Variants in ZNF737 observed in about 807,000 individuals in gnomAD.
ZNF737 encodes zinc finger protein 102 (Y3).
ZNF737 carries 13 observed loss-of-function variants against 11.7 expected under a neutral mutation model. The ratio of observed to expected loss-of-function variants is 1.11; its 90% CI spans 0.73 to 1.77. The LOEUF (loss-of-function observed/expected upper bound fraction) is 1.77. ZNF737 is among the 40% of genes most tolerant of loss of function. The pLI, the probability that ZNF737 is intolerant of heterozygous loss-of-function variation, is 0.00. For synonymous variants in ZNF737, 217 were observed against 216.2 expected (o/e 1.00, Z -0.03); for missense variants, 636 against 638.0 (o/e 1.00, Z 0.03).
Position 20,544,581 on chromosome 19 carries a change from A to T in ZNF737, c.*11T>A. ...GTGGGATAGCTTAAAGCTTTGCCAC[A>T]TTCCTCACATTTATAGTTTCTCTCC... On this transcript the variant is annotated 3_prime_UTR_variant, in exon 4 of 4. Coordinates refer to ENST00000427401, the MANE Select transcript of ZNF737 (RefSeq NM_001159293.2). 6.3e-7 allele frequency: 1 copy of T among 1,586,278 alleles called. No individual in the cohort carries two copies. Among genetic ancestry groups the T allele is most frequent in the Non-Finnish European group, 8.6e-7 (1 of 1,168,528 alleles).
chr19:20,551,429 C>CA (rs59406979), intron 3 of ZNF737, among the ~76,000 whole-genome samples: 5,857 of 102,108 alleles, frequency 0.057, 182 homozygotes, highest in African/African-American at 0.095. Context: ...AACCCCATCT[C>CA]AAAAAAAAAA....
the ZNF737 span, among the ~76,000 whole-genome samples, chr19:20,530,454 G>A: frequency 1.3e-5 from 2 of 148,764 alleles, no homozygotes; most frequent in East Asian, 2.1e-4. Flanking sequence ...GGGCGGAGAC[G>A]CTCCTCACTT....
intron 1 of ZNF737, among the ~76,000 whole-genome samples, chr19:20,560,506 C>T (rs1320759987): frequency 1.3e-5 from 2 of 151,912 alleles, no homozygotes; most frequent in Non-Finnish European, 2.9e-5. Context: ...AGAGGCCTGG[C>T]GCAGTGGCTC....
chr19:20,559,433 A>T (rs1420837027), intron 1 of ZNF737, among the ~76,000 whole-genome samples: 1 of 152,188 alleles, frequency 6.6e-6, no homozygotes, highest in East Asian at 1.9e-4. Context: ...AAAAATGCTC[A>T]TCGCTAATCA....
chr19:20,544,511 T>C lies in ZNF737; in HGVS notation c.*81A>G. The C allele has an allele frequency of 1.9e-6, 3 of 1,543,048 alleles. No homozygotes were observed. The highest frequency in any genetic ancestry group is 2.1e-5 in the Admixed American group (1 of 47,726). ...GGCTTTGCCACATTTATCACACTTG[T>C]ACAGTTTCCCTCCAATATGAATTTT... is the stretch of plus-strand genomic sequence containing the variant. On this transcript the variant is annotated 3_prime_UTR_variant, in exon 4 of 4. Transcript: ENST00000427401.
At position 20,539,445 on chromosome 19, in the gene ZNF737, G is replaced by C. The variant is rs1160465986; in HGVS notation, c.*5147C>G. Reference sequence around the variant, plus strand: ...TAAATCTTGCCTTTGTTTCTTGTTAGTCATCTGGCCATTTCTGTAAGTACG... The same window carrying C: ...TAAATCTTGCCTTTGTTTCTTGTTACTCATCTGGCCATTTCTGTAAGTACG... On this transcript the variant is annotated 3_prime_UTR_variant, in exon 4 of 4. Coordinates refer to ENST00000427401, the MANE Select transcript of ZNF737 (RefSeq NM_001159293.2). 1.0e-6 allele frequency: 1 copy of C among 985,266 alleles called. No homozygotes were observed. The allele number at this position is 985,266 out of a possible 1,614,324, so 61.0% of individuals were successfully genotyped here.
At chr19:20,535,622 T>A (rs1967940992), downstream of ZNF737, among the ~76,000 whole-genome samples, 1 of 150,898 alleles carries the variant, frequency 6.6e-6, no homozygotes, top group African/African-American at 2.4e-5. Context: ...AGCTCCCAGG[T>A]TCAAGAGATT....
At chr19:20,549,929 C>CAA (rs58715059) in intron 3 of ZNF737, among the ~76,000 whole-genome samples, 35 of 113,490 alleles carry the variant, frequency 3.1e-4, no homozygotes, top group African/African-American at 5.1e-4. Context: ...GACTCCATCT[C>CAA]AAAAAAAAAA....
chr19:20,542,016 GA>G lies in ZNF737; in HGVS notation c.*2575del. Reference sequence around the variant, plus strand: ...TAAAGAGTCAAAATTTAATCTATGGGAACAATATTTAACTCATTTGCAGTTT... The same window carrying G: ...TAAAGAGTCAAAATTTAATCTATGGGACAATATTTAACTCATTTGCAGTTT... On this transcript the variant is annotated 3_prime_UTR_variant, in exon 4 of 4. Transcript: ENST00000427401. 1.0e-6 allele frequency: 1 copy of G among 983,866 alleles called. No homozygotes were observed. The highest frequency in any genetic ancestry group is 1.2e-6 in the Non-Finnish European group (1 of 828,730). The allele number at this position is 983,866 out of a possible 1,614,324, so 60.9% of individuals were successfully genotyped here. A position where few individuals can be genotyped will look rare whatever the true frequency, so the allele number is the denominator to read the frequency against.
At position 20,545,710 on chromosome 19, in the gene ZNF737, T is replaced by C. The variant is rs1555756842; in HGVS notation, c.493A>G (p.Ile165Val). 1 of 1,613,092 alleles carries C rather than the reference T, an allele frequency of 6.2e-7. No individual in the cohort carries two copies. Among genetic ancestry groups the C allele is most frequent in the Non-Finnish European group, 8.5e-7 (1 of 1,179,506 alleles). Residue 165 changes from isoleucine to valine, a missense_variant, in exon 4 of 4, where the codon ATA becomes GTA. Ile to Val is a conservative substitution (Grantham distance 29). Coordinates refer to ENST00000427401, the MANE Select transcript of ZNF737 (RefSeq NM_001159293.2). ...HKFSNSNRHK[I>V]RHTGKKPFKC... ...AAAGGTTTTTTTCCAGTATGTCTTATCTTATGTCTGTTTGAATTTGAAAAT... is the reference window on the plus strand; with the variant it reads ...AAAGGTTTTTTTCCAGTATGTCTTACCTTATGTCTGTTTGAATTTGAAAAT...
chr19:20,545,716 G>C lies in ZNF737; in HGVS notation c.487C>G (p.His163Asp), dbSNP rs781903156. The change falls in exon 4 of 4, where the codon CAT (histidine) becomes GAT (aspartate). Residue 163 changes from histidine to aspartate, a missense_variant. His to Asp is a moderately conservative substitution (Grantham distance 81). Coordinates refer to ENST00000427401, the MANE Select transcript of ZNF737 (RefSeq NM_001159293.2). ...VIHKFSNSNR[H>D]KIRHTGKKPF... ...TTTTTTCCAGTATGTCTTATCTTATGTCTGTTTGAATTTGAAAATTTATGA... is the reference window on the plus strand; with the variant it reads ...TTTTTTCCAGTATGTCTTATCTTATCTCTGTTTGAATTTGAAAATTTATGA... 1 of 1,612,836 alleles carries C rather than the reference G, an allele frequency of 6.2e-7. No homozygotes were observed. Among genetic ancestry groups the C allele is most frequent in the African/African-American group, 1.3e-5 (1 of 74,908 alleles).
chr19:20,532,479 G>A (rs1347205397), downstream of ZNF737, among the ~76,000 whole-genome samples: 2 of 149,750 alleles, frequency 1.3e-5, no homozygotes, highest in Admixed American at 1.3e-4. Flanking sequence ...GTATCTATAT[G>A]TACAGAAAGA....
chr19:20,536,964 G>C (rs113185162), downstream of ZNF737, among the ~76,000 whole-genome samples: 10,074 of 151,638 alleles, frequency 0.066, 396 homozygotes, highest in Middle Eastern at 0.17. Flanking sequence ...TCAGCTGGGC[G>C]TGGTGGCGGG....
chr19:20,544,419 C>A lies in ZNF737; in HGVS notation c.*173G>T. On this transcript the variant is annotated 3_prime_UTR_variant, in exon 4 of 4. Transcript: ENST00000427401. ...GTCCTTAAAGGCTTTGCTGCATTTT[C>A]TTATTTGTTGGGTTTCTTTCCCGCA... The A allele has an allele frequency of 6.9e-7, 1 of 1,439,922 alleles. No homozygotes were observed. The highest frequency in any genetic ancestry group is 1.5e-5 in the South Asian group (1 of 64,564). The allele number at this position is 1,439,922 out of a possible 1,614,324, so 89.2% of individuals were successfully genotyped here.
Position 20,538,921 on chromosome 19 carries a change from A to C in ZNF737, c.*5671T>G, listed in dbSNP as rs12975493. Reference sequence around the variant, plus strand: ...TTAATTCACTCTAAATTGAGACTACATTTACAATCTTCAGTTTTTCAGTGT... The same window carrying C: ...TTAATTCACTCTAAATTGAGACTACCTTTACAATCTTCAGTTTTTCAGTGT... On this transcript the variant is annotated 3_prime_UTR_variant, in exon 4 of 4. Transcript: ENST00000427401. The C allele has an allele frequency of 4.1e-6, 4 of 985,270 alleles. No homozygotes were observed. The African/African-American group carries it at 7.0e-5, about 17-fold the overall frequency. The allele number at this position is 985,270 out of a possible 1,614,324, so 61.0% of individuals were successfully genotyped here.
chr19:20,537,017 C>T (rs747533367), downstream of ZNF737, among the ~76,000 whole-genome samples: 5 of 151,964 alleles, frequency 3.3e-5, no homozygotes, highest in East Asian at 3.9e-4. Context: ...GCAGGAGAAT[C>T]GCTTAAACCC....
chr19:20,534,101 CT>C (rs200462158), downstream of ZNF737, among the ~76,000 whole-genome samples: 1,001 of 150,208 alleles, frequency 6.7e-3, 67 homozygotes, highest in African/African-American at 0.024. Context: ...TTGGAATCCC[CT>C]AATTGGCTGA....
intron 1 of ZNF737, among the ~76,000 whole-genome samples, chr19:20,560,533 C>T (rs1405508249): frequency 2.0e-5 from 3 of 152,036 alleles, no homozygotes; most frequent in Non-Finnish European, 4.4e-5. Flanking sequence ...GTAATCCCAC[C>T]ACTTTGGGAG....
downstream of ZNF737, among the ~76,000 whole-genome samples, chr19:20,534,999 G>C (rs2122442358): frequency 6.7e-6 from 1 of 150,086 alleles, no homozygotes; most frequent in South Asian, 2.2e-4. Flanking sequence ...GTTTTTACCA[G>C]TCATAATTTA....
Sources: gnomAD v4.1 joint callset for allele counts (sites outside exome capture counted in the v4.1 genomes callset) on GRCh38, gnomAD v4.1.1 for gene constraint, MANE v1.5 for transcripts, NCBI Gene and HGNC (gene_info 2026-07-23, HGNC 2026-07-21) for gene names.